The following UGT2B11 variants were observed in gnomAD, a reference collection of about 807,000 sequenced individuals.
UGT2B11 encodes the protein UDP-glucuronosyltransferase 2B11.
In UGT2B11, 49 loss-of-function variants were observed where a neutral mutation model predicts 51.7. The ratio of observed to expected loss-of-function variants is 0.95; its 90% CI spans 0.75 to 1.20. UGT2B11 has a LOEUF of 1.20. Ranked by LOEUF, UGT2B11 falls within the 50% of genes most tolerant of loss-of-function variation. The probability of loss-of-function intolerance (pLI) is 0.00; values close to 1 mark genes in which losing one functional copy is unlikely to be tolerated. For synonymous variants in UGT2B11, 273 were observed against 209.0 expected, an observed-to-expected ratio of 1.31 and a Z score of -2.64; for missense variants, 810 against 622.1, an observed-to-expected ratio of 1.30 and a Z score of -3.21.
rs776088215 is a variant in UGT2B11 at position 69,214,557 on chromosome 4, G to A, written c.166C>T (p.Leu56=). ...AAAAGAATGGAAGCTGAAGATGCCAGTACAGTCACCTCATGACCTCTCTGA... is the reference window on the plus strand; with the variant it reads ...AAAAGAATGGAAGCTGAAGATGCCAATACAGTCACCTCATGACCTCTCTGA... The part of the protein sequence containing the change: ...LVQRGHEVTV[L]ASSASILFDP... The change falls in exon 1 of 6, where the codon CTG becomes TTG. Residue 56 remains leucine, a synonymous_variant. Coordinates refer to ENST00000446444, the MANE Select transcript of UGT2B11 (RefSeq NM_001073.3). 1 of 1,613,242 alleles carries A rather than the reference G, an allele frequency of 6.2e-7. No homozygotes were observed.
Position 69,205,570 on chromosome 4 carries a change from G to C in UGT2B11, c.1003-3C>G. Reference sequence around the variant, plus strand: ...TTCCCGTCAAATCTCCACAGAACCTGTTACAGTAAAGAGAATATCTTATTC... The same window carrying C: ...TTCCCGTCAAATCTCCACAGAACCTCTTACAGTAAAGAGAATATCTTATTC... On this transcript the variant is annotated splice_region_variant and splice_polypyrimidine_tract_variant and intron_variant, in intron 3 of 5. Coordinates refer to ENST00000446444, the MANE Select transcript of UGT2B11 (RefSeq NM_001073.3). 6.2e-7 allele frequency: 1 copy of C among 1,609,068 alleles called. No homozygotes were observed. Among genetic ancestry groups the C allele is most frequent in the Non-Finnish European group, 8.5e-7 (1 of 1,177,354 alleles).
At chr4:69,206,065 G>T (rs562882737) in intron 3 of UGT2B11, among the ~76,000 whole-genome samples, 1 of 151,508 alleles carries the variant, frequency 6.6e-6, no homozygotes, top group Non-Finnish European at 1.5e-5. Context: ...AGACAGTGTG[G>T]CCATTCCTCA....
At chr4:69,218,075 A>G (rs113325296), upstream of UGT2B11, among the ~76,000 whole-genome samples, 1 of 152,276 alleles carries the variant, frequency 6.6e-6, no homozygotes, top group Middle Eastern at 3.4e-3. Context: ...GCACTCAAAC[A>G]TTCAAACCAT....
At chr4:69,224,224 C>T in the UGT2B11 span, among the ~76,000 whole-genome samples, 4 of 152,198 alleles carry the variant, frequency 2.6e-5, no homozygotes, top group South Asian at 8.3e-4. Context: ...GGCCGGCGGA[C>T]ATTAGGACCC....
chr4:69,211,977 C>G (rs1017465707), intron 2 of UGT2B11, among the ~76,000 whole-genome samples: 1 of 151,400 alleles, frequency 6.6e-6, no homozygotes, highest in Non-Finnish European at 1.5e-5. Flanking sequence ...GAGAACTGTC[C>G]TGACCACTTT....
chr4:69,223,244 A>C, the UGT2B11 span, among the ~76,000 whole-genome samples: 2 of 152,264 alleles, frequency 1.3e-5, 1 homozygote, highest in South Asian at 4.1e-4. Flanking sequence ...AATTTGTCTC[A>C]GTTATTCAGG....
intron 5 of UGT2B11, among the ~76,000 whole-genome samples, chr4:69,204,089 TTTAA>T (rs1359964541): frequency 2.0e-5 from 3 of 151,660 alleles, no homozygotes; most frequent in Non-Finnish European, 4.4e-5. Context: ...ATTTTAGATA[TTTAA>T]TTAAAACATT....
intron 3 of UGT2B11, among the ~76,000 whole-genome samples, chr4:69,207,894 G>A (rs1440609945): frequency 6.6e-6 from 1 of 151,608 alleles, no homozygotes; most frequent in Non-Finnish European, 1.5e-5. Flanking sequence ...ATGATCATAA[G>A]TCTTCCTTGT....
In UGT2B11 at chr4:69,205,711, T is replaced by C. The variant is rs1721828895; in HGVS notation, c.1003-144A>G. The C allele has an allele frequency of 5.4e-6, 5 of 929,286 alleles. No homozygotes were observed. In the Admixed American group the frequency reaches 1.7e-4, roughly 31 times the overall value. The allele number at this position is 929,286 out of a possible 1,614,324, so 57.6% of individuals were successfully genotyped here. A position where few individuals can be genotyped will look rare whatever the true frequency, so the allele number is the denominator to read the frequency against. The stretch of plus-strand genomic sequence containing the variant: ...GATTGATGTAAAAAGAATACTCACA[T>C]TTTATTTTCTTAACTTTTATAATGA... On this transcript the variant is annotated intron_variant, in intron 3 of 5. Transcript: ENST00000446444.
intron 3 of UGT2B11, among the ~76,000 whole-genome samples, chr4:69,207,620 C>T (rs1354710018): frequency 6.6e-6 from 1 of 151,556 alleles, no homozygotes; most frequent in African/African-American, 2.4e-5. Flanking sequence ...ATATTTTATA[C>T]TGTACAGGAT....
rs756470024 is a variant in UGT2B11, at chr4:69,204,532, A to G, written c.1208T>C (p.Ile403Thr). 3 of 1,612,354 alleles carry G rather than the reference A, an allele frequency of 1.9e-6. No homozygotes were observed. In the South Asian group the frequency reaches 3.3e-5, roughly 18 times the overall value. Residue 403 changes from isoleucine to threonine, a missense_variant, in exon 5 of 6, where the codon ATT becomes ACT. Coordinates refer to ENST00000446444, the MANE Select transcript of UGT2B11 (RefSeq NM_001073.3). The stretch of plus-strand genomic sequence containing the variant: ...TGCTCCCTTGGCCTTCATGTGAGCA[A>G]TGTTATCAGGTTGATCAAAAAACAA... ...IPLFFDQPDN[I>T]AHMKAKGAAV...
In UGT2B11 at chr4:69,200,705, A is replaced by G. The variant is rs1357393571; in HGVS notation, c.1325T>C (p.Ile442Thr). The change falls in exon 6 of 6, where the codon ATT becomes ACT. Residue 442 changes from isoleucine (I) to threonine (T), a missense_variant. Transcript: ENST00000446444. ...ATGTTGAATTCTTGATAATTTCATA[A>G]TATTCTCTTTATATCTGAAGGATAA... is the stretch of plus-strand genomic sequence containing the variant. ...VINDPLYKEN[I>T]MKLSRIQHDQ... is the part of the protein sequence containing the mutation. 9 of 1,610,846 alleles carry G rather than the reference A, an allele frequency of 5.6e-6. No individual in the cohort carries two copies. The highest frequency in any genetic ancestry group is 8.5e-7 in the Non-Finnish European group (1 of 1,178,404).
At chr4:69,208,801 A>G (rs1318020035) in intron 2 of UGT2B11, among the ~76,000 whole-genome samples, 2 of 151,568 alleles carry the variant, frequency 1.3e-5, no homozygotes, top group East Asian at 3.9e-4. Context: ...TTCACTTATA[A>G]TACTATAATT....
At chr4:69,208,692 G>GTA (rs775334678) in intron 2 of UGT2B11, among the ~76,000 whole-genome samples, 3 of 151,610 alleles carry the variant, frequency 2.0e-5, no homozygotes, top group Non-Finnish European at 4.4e-5. Flanking sequence ...AAATATGTGT[G>GTA]TATATGTATG....
upstream of UGT2B11, chr4:69,216,881 A>G (rs1001510690): frequency 2.0e-5 from 3 of 152,134 alleles, no homozygotes; most frequent in African/African-American, 4.8e-5. Flanking sequence ...AGAAAGCAGC[A>G]TTGTGTCAAC....
chr4:69,203,542 A>T (rs1208164029), intron 5 of UGT2B11, among the ~76,000 whole-genome samples: 2 of 151,806 alleles, frequency 1.3e-5, no homozygotes, highest in Non-Finnish European at 2.9e-5. Flanking sequence ...AAAAACAAGT[A>T]TAGCAATATT....
At chr4:69,215,750 G>A (rs1303527528), upstream of UGT2B11, 5 of 151,848 alleles carry the variant, frequency 3.3e-5, no homozygotes, top group East Asian at 9.7e-4. Context: ...ATGTATGAGG[G>A]TTTCAATGTC....
chr4:69,213,753 G>C (rs1722159641), intron 1 of UGT2B11, among the ~76,000 whole-genome samples: 1 of 151,730 alleles, frequency 6.6e-6, no homozygotes, highest in Non-Finnish European at 1.5e-5. Flanking sequence ...TAAATTCTTA[G>C]GTGTACTAAT....
At chr4:69,200,980 C>T (rs1168697548) in intron 5 of UGT2B11, among the ~76,000 whole-genome samples, 1 of 146,606 alleles carries the variant, frequency 6.8e-6, no homozygotes. Flanking sequence ...AAATATAAGG[C>T]ATTTTAACTG....
Sources: gnomAD v4.1 joint callset for allele counts (sites outside exome capture counted in the v4.1 genomes callset) on GRCh38, gnomAD v4.1.1 for gene constraint, MANE v1.5 for transcripts, NCBI Gene and HGNC (gene_info 2026-07-23, HGNC 2026-07-21) for gene names.